Variants in ADAMTS12 observed in about 807,000 individuals in gnomAD.
ADAMTS12 encodes the protein ADAM metallopeptidase with thrombospondin type 1 motif 12.
A neutral mutation model predicts 167.8 loss-of-function variants in ADAMTS12; 118 were observed. The ratio of observed to expected loss-of-function variants is 0.70; its 90% CI spans 0.61 to 0.82. The LOEUF (loss-of-function observed/expected upper bound fraction) is 0.82. Ranked by LOEUF, ADAMTS12 falls within the 40% of genes least tolerant of loss-of-function variation. The probability of loss-of-function intolerance (pLI) is 0.00; values close to 1 mark genes in which losing one functional copy is unlikely to be tolerated. For missense variants in ADAMTS12, 1,916 were observed against 1,998.8 expected (o/e 0.96, Z 0.79); for synonymous variants, 704 against 716.9 (o/e 0.98, Z 0.29).
chr5:33,688,770 C>A (rs1223715960), intron 3 of ADAMTS12, among the ~76,000 whole-genome samples: 1 of 152,196 alleles, frequency 6.6e-6, no homozygotes, highest in Non-Finnish European at 1.5e-5. Flanking sequence ...GCTGCTTATT[C>A]TACTTAGAAA....
At chr5:33,596,408 G>A (rs895318084) in intron 16 of ADAMTS12, among the ~76,000 whole-genome samples, 1 of 152,148 alleles carries the variant, frequency 6.6e-6, no homozygotes, top group Non-Finnish European at 1.5e-5. Flanking sequence ...TAGGTTGGGC[G>A]CAGTGGCTCA....
At chr5:33,671,305 T>C (rs1044146975) in intron 5 of ADAMTS12, among the ~76,000 whole-genome samples, 4 of 152,126 alleles carry the variant, frequency 2.6e-5, no homozygotes, top group African/African-American at 4.8e-5. Context: ...TATACACACA[T>C]GATCATGCAC....
chr5:33,809,690 G>A (rs1747375859), intron 2 of ADAMTS12, among the ~76,000 whole-genome samples: 1 of 152,046 alleles, frequency 6.6e-6, no homozygotes, highest in African/African-American at 2.4e-5. Context: ...AATAAGTAGT[G>A]GTCACTTAAG....
chr5:33,835,909 C>A lies in ADAMTS12; in HGVS notation c.489+45210G>T, dbSNP rs1021367981. ...TGATCAAACTGAGGATAATATCCAT[C>A]TCTCTCTCTCTCTCTCTCTCTCTCT... On this transcript the variant is annotated intron_variant, in intron 2 of 23. Coordinates refer to ENST00000504830, the MANE Select transcript of ADAMTS12 (RefSeq NM_030955.4). 6.7e-4 allele frequency among the ~76,000 whole-genome samples: 27 copies of A among 40,270 alleles called. No individual in the cohort carries two copies. In the South Asian group the frequency reaches 9.2e-3, roughly 14 times the overall value. 26.4% of individuals were successfully genotyped at this position (40,270 alleles called of 152,430 possible). A position where few individuals can be genotyped will look rare whatever the true frequency, so the allele number is the denominator to read the frequency against.
chr5:33,754,657 ACATGGTGAAACAG>A (rs1334875439), intron 2 of ADAMTS12, among the ~76,000 whole-genome samples: 1 of 152,158 alleles, frequency 6.6e-6, no homozygotes, highest in Admixed American at 6.5e-5. Context: ...AGCCTGGCCA[ACATGGTGAAACAG>A]CATGGTGAAA....
chr5:33,526,078 T>A lies in ADAMTS12; in HGVS notation c.*1110A>T, dbSNP rs564072149. The stretch of plus-strand genomic sequence containing the variant: ...ACTGAGGAGTAGATCCCCTTTACCT[T>A]ACTTTTTAGAAATGTTTTTTCTCTA... On this transcript the variant is annotated 3_prime_UTR_variant, in exon 24 of 24. Coordinates refer to ENST00000504830, the MANE Select transcript of ADAMTS12 (RefSeq NM_030955.4). The A allele has an allele frequency of 4.3e-4, 66 of 152,270 alleles. No homozygotes were observed. Among genetic ancestry groups the A allele is most frequent in the African/African-American group, 1.4e-3 (60 of 41,538 alleles). The allele number at this position is 152,270 out of a possible 1,614,324, so 9.4% of individuals were successfully genotyped here. A position where few individuals can be genotyped will look rare whatever the true frequency, so the allele number is the denominator to read the frequency against.
At chr5:33,676,808 G>C (rs899031282) in intron 5 of ADAMTS12, among the ~76,000 whole-genome samples, 2 of 152,078 alleles carry the variant, frequency 1.3e-5, no homozygotes, top group African/African-American at 4.8e-5. Context: ...TCAGCTGGGG[G>C]GAGGGGTAAA....
rs367571921 is a variant in ADAMTS12 at position 33,696,015 on chromosome 5, A to C, written c.635-11960T>G. 6.6e-5 allele frequency among the ~76,000 whole-genome samples: 10 copies of C among 151,858 alleles called. 1 individual carries two copies. The highest frequency in any genetic ancestry group is 2.6e-4 in the Admixed American group (4 of 15,252). On this transcript the variant is annotated intron_variant, in intron 3 of 23. Transcript: ENST00000504830. ...CGAGTCCCATAGTGTCCCTAAAGAGACTCAATCCTTAATCACTGATTCACA... is the reference window on the plus strand; with the variant it reads ...CGAGTCCCATAGTGTCCCTAAAGAGCCTCAATCCTTAATCACTGATTCACA...
intron 20 of ADAMTS12, among the ~76,000 whole-genome samples, chr5:33,557,404 A>G (rs1378014931): frequency 6.6e-6 from 1 of 152,214 alleles, no homozygotes; most frequent in Non-Finnish European, 1.5e-5. Context: ...AAGGTCTGCC[A>G]CAAAGAGAGC....
Position 33,577,003 on chromosome 5 carries a change from C to T in ADAMTS12, c.3023G>A (p.Gly1008Asp), listed in dbSNP as rs373563822. The change falls in exon 19 of 24, where the codon GGC (glycine) becomes GAC (aspartate). Residue 1008 changes from glycine to aspartate, a missense_variant. Physicochemically the swap from Gly to Asp is moderately conservative, Grantham distance 94. Transcript: ENST00000504830. ...TGGGTTTTTTCCATTGGAAATAGTG[C>T]CTTTGTTTGGTTTCAGAACTCTCCG... ...SSRRVLKPNK[G>D]TISNGKNPPT... 6 of 1,614,084 alleles carry T rather than the reference C, an allele frequency of 3.7e-6. No individual in the cohort carries two copies. The African/African-American group carries it at 6.7e-5, about 18-fold the overall frequency.
At chr5:33,675,629 T>C (rs1741875828) in intron 5 of ADAMTS12, among the ~76,000 whole-genome samples, 1 of 152,236 alleles carries the variant, frequency 6.6e-6, no homozygotes, top group Non-Finnish European at 1.5e-5. Flanking sequence ...CGCCCCTGTG[T>C]AGAACTTTCA....
At chr5:33,774,425 T>C (rs113338030) in intron 2 of ADAMTS12, among the ~76,000 whole-genome samples, 1 of 152,114 alleles carries the variant, frequency 6.6e-6, no homozygotes, top group Non-Finnish European at 1.5e-5. Context: ...GTACATGGTG[T>C]TATGAAAAAA....
At chr5:33,722,714 A>G (rs549261399) in intron 3 of ADAMTS12, among the ~76,000 whole-genome samples, 15 of 152,342 alleles carry the variant, frequency 9.8e-5, no homozygotes, top group African/African-American at 3.6e-4. Context: ...AACCAAGGGA[A>G]CAGAGGGGAA....
intron 12 of ADAMTS12, among the ~76,000 whole-genome samples, chr5:33,631,200 T>C (rs919177005): frequency 6.6e-6 from 1 of 152,228 alleles, no homozygotes; most frequent in Non-Finnish European, 1.5e-5. Flanking sequence ...CTTCTTTCTA[T>C]TCAACATTGA....
At chr5:33,841,450 A>G (rs1015277928) in intron 2 of ADAMTS12, among the ~76,000 whole-genome samples, 4 of 152,080 alleles carry the variant, frequency 2.6e-5, no homozygotes, top group African/African-American at 9.7e-5. Flanking sequence ...TCAACTTCCA[A>G]AAGAAAAACT....
At chr5:33,702,611 C>A (rs779143218) in intron 3 of ADAMTS12, among the ~76,000 whole-genome samples, 6 of 152,170 alleles carry the variant, frequency 3.9e-5, no homozygotes, top group Non-Finnish European at 8.8e-5. Context: ...CCATGAGTGG[C>A]AAATGGCACT....
At chr5:33,532,212 A>G (rs1744138315) in intron 23 of ADAMTS12, among the ~76,000 whole-genome samples, 1 of 152,150 alleles carries the variant, frequency 6.6e-6, no homozygotes, top group African/African-American at 2.4e-5. Context: ...TTTTTTCACC[A>G]AAGAAGCTTG....
intron 2 of ADAMTS12, among the ~76,000 whole-genome samples, chr5:33,848,960 A>C (rs1488518976): frequency 2.0e-5 from 3 of 150,762 alleles, no homozygotes; most frequent in Non-Finnish European, 4.4e-5. Flanking sequence ...AGAGACATCT[A>C]TATATATGTA....
chr5:33,732,654 G>A (rs1744235595), intron 3 of ADAMTS12, among the ~76,000 whole-genome samples: 1 of 152,190 alleles, frequency 6.6e-6, no homozygotes, highest in Non-Finnish European at 1.5e-5. Context: ...GCTGGCAAAA[G>A]TAGAACAAAT....
Sources: allele counts gnomAD v4.1 joint callset (sites outside exome capture counted in the v4.1 genomes callset), GRCh38; gene constraint gnomAD v4.1.1; transcripts MANE v1.5; gene names NCBI Gene and HGNC (gene_info 2026-07-23, HGNC 2026-07-21).